DACH2: variants seen among roughly 807,000 people sequenced by gnomAD.
DACH2 encodes the protein dachshund family transcription factor 2.
DACH2 carries 17 observed loss-of-function variants against 35.8 expected under a neutral mutation model. The observed-to-expected ratio is 0.48, with a 90% CI of 0.33 to 0.71. The LOEUF (loss-of-function observed/expected upper bound fraction) is 0.71, where lower values mean the gene tolerates loss of function less well. Ranked by LOEUF, DACH2 falls within the 30% of genes least tolerant of loss-of-function variation. The pLI is 0.02. For synonymous variants in DACH2, 195 were observed against 177.3 expected (o/e 1.10, Z -0.79); for missense variants, 469 against 472.7 (o/e 0.99, Z 0.07).
At chrX:86,743,354 A>G (rs2041677476) in intron 7 of DACH2, among the ~76,000 whole-genome samples, 1 of 111,472 alleles carries the variant, frequency 9.0e-6, no homozygotes, top group Non-Finnish European at 1.9e-5. Context: ...CTCTCCTAAT[A>G]TGAAAACTGA....
chrX:86,685,224 A>C (rs1383698979), intron 4 of DACH2, among the ~76,000 whole-genome samples: 1 of 111,642 alleles, frequency 9.0e-6, no homozygotes, highest in Non-Finnish European at 1.9e-5. Context: ...TGTACATAGA[A>C]CATATCACAA....
At chrX:86,436,947 T>A (rs1215299995) in intron 2 of DACH2, among the ~76,000 whole-genome samples, 3 of 111,426 alleles carry the variant, frequency 2.7e-5, no homozygotes, top group African/African-American at 9.7e-5. Context: ...TTCATATATA[T>A]TCATATACTA....
At chrX:86,401,000 G>A (rs954670112) in intron 2 of DACH2, among the ~76,000 whole-genome samples, 1 of 112,475 alleles carries the variant, frequency 8.9e-6, no homozygotes, top group Non-Finnish European at 1.9e-5. Context: ...AGGCAGGCAG[G>A]CCTCCTTGAG....
intron 7 of DACH2, among the ~76,000 whole-genome samples, chrX:86,765,698 GTTTTTTTTTTT>G (rs60709865): frequency 1.2e-4 from 3 of 24,636 alleles, no homozygotes; most frequent in Non-Finnish European, 2.0e-4. Flanking sequence ...TTGTTTTTTG[GTTTTTTTTTTT>G]TTTTTTTTTT....
chrX:86,321,187 A>T (rs1437922623), intron 1 of DACH2, among the ~76,000 whole-genome samples: 1 of 111,434 alleles, frequency 9.0e-6, no homozygotes, highest in Non-Finnish European at 1.9e-5. Context: ...TGCCTTCCTG[A>T]GACCTCCTTG....
At chrX:86,589,548 C>T (rs763651513) in intron 3 of DACH2, among the ~76,000 whole-genome samples, 108 of 111,214 alleles carry the variant, frequency 9.7e-4, no homozygotes, top group African/African-American at 3.0e-3. Flanking sequence ...GGACCAATAA[C>T]GATACATTAT....
chrX:86,398,858 T>C (rs1475520600), intron 2 of DACH2, among the ~76,000 whole-genome samples: 1 of 111,973 alleles, frequency 8.9e-6, no homozygotes, highest in Non-Finnish European at 1.9e-5. Flanking sequence ...GAATGTATAT[T>C]CTGTTGATTT....
chrX:86,638,064 A>C (rs996479606), intron 3 of DACH2, among the ~76,000 whole-genome samples: 4 of 111,325 alleles, frequency 3.6e-5, no homozygotes, highest in African/African-American at 1.3e-4. Context: ...TAAAACAGAC[A>C]CAGAGATCAG....
intron 1 of DACH2, among the ~76,000 whole-genome samples, chrX:86,204,292 G>A (rs373924615): frequency 9.7e-4 from 109 of 111,901 alleles, no homozygotes; most frequent in East Asian, 6.5e-3. Context: ...TCAAATTTCC[G>A]GTGGAAAGAC....
intron 7 of DACH2, among the ~76,000 whole-genome samples, chrX:86,811,464 G>A (rs754660319): frequency 8.9e-6 from 1 of 111,831 alleles, no homozygotes; most frequent in South Asian, 3.7e-4. Context: ...TGTGAAATTG[G>A]TTATGTCTAG....
At chrX:86,432,651 C>G (rs938922856) in intron 2 of DACH2, among the ~76,000 whole-genome samples, 1 of 111,889 alleles carries the variant, frequency 8.9e-6, no homozygotes, top group South Asian at 3.7e-4. Context: ...AATGATGCAT[C>G]TCCTTTATAG....
intron 6 of DACH2, among the ~76,000 whole-genome samples, chrX:86,720,983 A>T (rs1314635588): frequency 1.8e-5 from 2 of 112,421 alleles, no homozygotes; most frequent in Non-Finnish European, 3.8e-5. Context: ...ACCCTCTGAA[A>T]CATTGAACTG....
At chrX:86,373,189 A>G (rs1285763416) in intron 1 of DACH2, among the ~76,000 whole-genome samples, 1 of 110,991 alleles carries the variant, frequency 9.0e-6, no homozygotes, top group Non-Finnish European at 1.9e-5. Context: ...GTATGTGCCC[A>G]GTAATGAGAT....
intron 4 of DACH2, among the ~76,000 whole-genome samples, chrX:86,682,713 T>C (rs1168308521): frequency 2.7e-5 from 3 of 111,774 alleles, no homozygotes; most frequent in African/African-American, 9.8e-5. Flanking sequence ...AAAGATCCAT[T>C]CCATACACTC....
intron 3 of DACH2, among the ~76,000 whole-genome samples, chrX:86,585,227 C>T (rs768534491): frequency 9.0e-6 from 1 of 111,076 alleles, no homozygotes; most frequent in South Asian, 3.8e-4. Context: ...TGAGAAATCT[C>T]CAAACTGCAT....
At chrX:86,401,508 G>A (rs1406748289) in intron 2 of DACH2, among the ~76,000 whole-genome samples, 2 of 111,679 alleles carry the variant, frequency 1.8e-5, no homozygotes, top group Non-Finnish European at 3.8e-5. Context: ...TTCCTATTTG[G>A]CCATCTTGGC....
At chrX:86,579,404 G>T (rs757631178) in intron 3 of DACH2, among the ~76,000 whole-genome samples, 1 of 110,312 alleles carries the variant, frequency 9.1e-6, no homozygotes, top group Admixed American at 9.7e-5. Flanking sequence ...CCATTTTTTA[G>T]TTTTTTTAAA....
intron 7 of DACH2, among the ~76,000 whole-genome samples, chrX:86,765,698 G>GTTTTT (rs60709865): frequency 0.042 from 1,003 of 23,973 alleles, no homozygotes; most frequent in Admixed American, 0.054. Flanking sequence ...TTGTTTTTTG[G>GTTTTT]TTTTTTTTTT....
chrX:86,762,227 G>T (rs764527922), intron 7 of DACH2, among the ~76,000 whole-genome samples: 1 of 111,111 alleles, frequency 9.0e-6, no homozygotes, highest in Non-Finnish European at 1.9e-5. Context: ...GGAGTGCCTA[G>T]GTCAGTTCAT....
Sources: allele counts gnomAD v4.1 joint callset (sites outside exome capture counted in the v4.1 genomes callset), GRCh38; gene constraint gnomAD v4.1.1; transcripts MANE v1.5; gene names NCBI Gene and HGNC (gene_info 2026-07-23, HGNC 2026-07-21).